Variants in TMEM132C observed in about 807,000 individuals in gnomAD.
The protein encoded by TMEM132C is protein phosphatase 1, regulatory subunit 152.
In TMEM132C, 29 loss-of-function variants were observed where a neutral mutation model predicts 61.4. That is an observed-to-expected ratio of 0.47 (90% CI 0.35 to 0.64). The LOEUF is 0.64. Ranked by LOEUF, TMEM132C falls within the 30% of genes least tolerant of loss-of-function variation. TMEM132C has a pLI of 0.00. For synonymous variants in TMEM132C, 656 were observed against 633.1 expected (o/e 1.04, Z -0.54); for missense variants, 1,408 against 1,476.9 (o/e 0.95, Z 0.76).
At chr12:128,555,417 A>T (rs1040162083) in intron 3 of TMEM132C, among the ~76,000 whole-genome samples, 1 of 152,322 alleles carries the variant, frequency 6.6e-6, no homozygotes, top group East Asian at 1.9e-4. Context: ...GAAGATTGCA[A>T]ACTACCACAA....
chr12:128,597,959 A>C (rs1159346228), intron 3 of TMEM132C, among the ~76,000 whole-genome samples: 2 of 152,218 alleles, frequency 1.3e-5, no homozygotes. Context: ...GTAGTGATCA[A>C]GGAGGGAAAG....
At chr12:128,343,355 C>T (rs1051857332) in intron 1 of TMEM132C, among the ~76,000 whole-genome samples, 3 of 146,948 alleles carry the variant, frequency 2.0e-5, no homozygotes, top group Admixed American at 6.9e-5. Flanking sequence ...ACCTGAGAGG[C>T]GGAGGTTGCA....
chr12:128,656,200 G>A (rs968611508), intron 4 of TMEM132C, among the ~76,000 whole-genome samples: 2 of 152,152 alleles, frequency 1.3e-5, no homozygotes, highest in Admixed American at 1.3e-4. Context: ...ACAGGCGTGT[G>A]CCACCACACC....
intron 1 of TMEM132C, among the ~76,000 whole-genome samples, chr12:128,309,932 C>T (rs1368230684): frequency 6.6e-6 from 1 of 152,094 alleles, no homozygotes; most frequent in East Asian, 1.9e-4. Flanking sequence ...GACGGGGTTT[C>T]ACCATGTTTG....
chr12:128,665,963 ACG>A (rs1555241607), intron 4 of TMEM132C, among the ~76,000 whole-genome samples: 1 of 146,784 alleles, frequency 6.8e-6, no homozygotes, highest in African/African-American at 2.5e-5. Flanking sequence ...ACACACACAC[ACG>A]GGCACATGTA....
At chr12:128,588,651 G>A (rs1344618475) in intron 3 of TMEM132C, among the ~76,000 whole-genome samples, 5 of 152,126 alleles carry the variant, frequency 3.3e-5, no homozygotes, top group African/African-American at 1.2e-4. Context: ...GTATTAGGGA[G>A]TGGGGACTAT....
At chr12:128,505,749 A>G (rs767196145) in intron 2 of TMEM132C, among the ~76,000 whole-genome samples, 64 of 152,316 alleles carry the variant, frequency 4.2e-4, no homozygotes, top group Non-Finnish European at 8.7e-4. Context: ...CTCAATGTCA[A>G]TTGAGTGATG....
chr12:128,337,340 G>A (rs995036909), intron 1 of TMEM132C, among the ~76,000 whole-genome samples: 3 of 152,098 alleles, frequency 2.0e-5, no homozygotes, highest in Non-Finnish European at 4.4e-5. Context: ...TATTGTTCGC[G>A]GGGACTCGTG....
intron 1 of TMEM132C, among the ~76,000 whole-genome samples, chr12:128,393,552 A>G (rs923805105): frequency 1.3e-5 from 2 of 152,186 alleles, no homozygotes; most frequent in Non-Finnish European, 2.9e-5. Context: ...GGCATATATT[A>G]ACATAAATAT....
chr12:128,411,293 C>T (rs534060287), intron 1 of TMEM132C, among the ~76,000 whole-genome samples: 4 of 152,212 alleles, frequency 2.6e-5, no homozygotes, highest in South Asian at 4.2e-4. Context: ...AAACCCTCAC[C>T]GGATAGTTTT....
intron 4 of TMEM132C, among the ~76,000 whole-genome samples, chr12:128,617,455 G>C (rs1876845766): frequency 6.6e-6 from 1 of 152,200 alleles, no homozygotes; most frequent in Admixed American, 6.5e-5. Context: ...GCCAATCACT[G>C]AAATCAAAAG....
intron 2 of TMEM132C, among the ~76,000 whole-genome samples, chr12:128,466,123 G>T (rs1253376318): frequency 6.6e-6 from 1 of 152,160 alleles, no homozygotes; most frequent in Non-Finnish European, 1.5e-5. Flanking sequence ...CAAAGTGGGA[G>T]AAGGGCCCAG....
At chr12:128,549,163 G>A (rs1038536071) in intron 3 of TMEM132C, among the ~76,000 whole-genome samples, 4 of 152,156 alleles carry the variant, frequency 2.6e-5, no homozygotes, top group African/African-American at 9.7e-5. Flanking sequence ...CTGAGTGTCT[G>A]TCTGTCCATG....
intron 3 of TMEM132C, among the ~76,000 whole-genome samples, chr12:128,550,230 C>T (rs1874120658): frequency 6.6e-6 from 1 of 152,062 alleles, no homozygotes; most frequent in African/African-American, 2.4e-5. Context: ...TTGCAGTTCG[C>T]CACCCTCTCG....
At chr12:128,476,686 A>G (rs2136086927) in intron 2 of TMEM132C, among the ~76,000 whole-genome samples, 1 of 151,218 alleles carries the variant, frequency 6.6e-6, no homozygotes, top group East Asian at 1.9e-4. Flanking sequence ...CCTCAGCTGC[A>G]CAGTACAAGC....
chr12:128,400,067 C>G (rs1489381398), intron 1 of TMEM132C: 1 of 152,230 alleles, frequency 6.6e-6, no homozygotes, highest in East Asian at 1.9e-4. Flanking sequence ...AGAGTTACCA[C>G]AGTTTGGATC....
chr12:128,402,445 A>T (rs1875194443), intron 1 of TMEM132C, among the ~76,000 whole-genome samples: 1 of 152,110 alleles, frequency 6.6e-6, no homozygotes, highest in African/African-American at 2.4e-5. Context: ...CCCTAGTGAC[A>T]CTTTGATTTT....
At chr12:128,689,001 A>G (rs898804221) in intron 5 of TMEM132C, among the ~76,000 whole-genome samples, 1 of 151,334 alleles carries the variant, frequency 6.6e-6, no homozygotes, top group African/African-American at 2.4e-5. Context: ...TATTTTTAGT[A>G]GAGACAGGGT....
In TMEM132C at chr12:128,568,123, G is replaced by A. The variant is rs183113700; in HGVS notation, c.1121+24020G>A. On this transcript the variant is annotated intron_variant, in intron 3 of 8. Coordinates refer to ENST00000435159, the MANE Select transcript of TMEM132C (RefSeq NM_001136103.3). ...ATTTAGGGAACAAATGATGCCAGGA[G>A]TACATTTACTAAACAGTGTGATTGC... Among the ~76,000 whole-genome samples the A allele has an allele frequency of 6.0e-4, 91 of 152,312 alleles. 2 individuals are homozygous for A. Among genetic ancestry groups the A allele is most frequent in the Non-Finnish European group, 3.1e-4 (21 of 68,024 alleles).
Sources: gnomAD v4.1 joint callset for allele counts (sites outside exome capture counted in the v4.1 genomes callset) on GRCh38, gnomAD v4.1.1 for gene constraint, MANE v1.5 for transcripts, NCBI Gene and HGNC (gene_info 2026-07-23, HGNC 2026-07-21) for gene names.